The following RNASE10 variants were observed in gnomAD, a reference collection of about 807,000 sequenced individuals.
RNASE10 encodes inactive ribonuclease-like protein 10.
In RNASE10, 2 loss-of-function variants were observed where a neutral mutation model predicts 1.1. That is an observed-to-expected ratio of 1.82 (90% CI 0.74 to 5.73). The LOEUF (loss-of-function observed/expected upper bound fraction) is 5.73. Among genes scored for constraint, RNASE10 ranks in the 30% most tolerant of loss-of-function variants. RNASE10 has a pLI of 0.05. For synonymous variants in RNASE10, 97 were observed against 96.2 expected, an observed-to-expected ratio of 1.01 and a Z score of -0.05; for missense variants, 276 against 263.4, an observed-to-expected ratio of 1.05 and a Z score of -0.33.
At chr14:20,504,548 C>T (rs946120089), upstream of RNASE10, among the ~76,000 whole-genome samples, 8 of 150,946 alleles carry the variant, frequency 5.3e-5, no homozygotes, top group East Asian at 1.9e-4. Context: ...ATTAGCCGGG[C>T]GCGGTGGCGG....
chr14:20,510,124 GAAA>G (rs756992868), intron 1 of RNASE10, among the ~76,000 whole-genome samples: 36 of 109,792 alleles, frequency 3.3e-4, no homozygotes, highest in South Asian at 8.7e-4. Context: ...GTCTCAAAAG[GAAA>G]AAAAAAAAAA....
chr14:20,504,706 A>AAAAAAAAAAAAAC (rs1882647085), upstream of RNASE10, among the ~76,000 whole-genome samples: 1 of 145,496 alleles, frequency 6.9e-6, no homozygotes, highest in Non-Finnish European at 1.5e-5. Context: ...AAAAAAAAAA[A>AAAAAAAAAAAAAC]GGAATCTGTC....
At chr14:20,509,144 G>T (rs1594441236) in intron 1 of RNASE10, among the ~76,000 whole-genome samples, 1 of 152,196 alleles carries the variant, frequency 6.6e-6, no homozygotes, top group South Asian at 2.1e-4. Flanking sequence ...CCTTCTCACG[G>T]GTTCAAGCAA....
exon 2 of RNASE10, chr14:20,510,677 T>A (rs1882875589): frequency 1.9e-6 from 3 of 1,614,092 alleles, no homozygotes; most frequent in African/African-American, 2.7e-5. Context: ...GAAACGCTGG[T>A]GCTTAGCAAC....
intron 1 of RNASE10, among the ~76,000 whole-genome samples, chr14:20,506,654 C>T (rs1434183190): frequency 9.8e-6 from 1 of 102,168 alleles, no homozygotes; most frequent in African/African-American, 4.6e-5. Context: ...CCGCCCAGTC[C>T]AGGAGGGAGG....
At chr14:20,511,390 G>T (rs1457089040), downstream of RNASE10, among the ~76,000 whole-genome samples, 3 of 152,136 alleles carry the variant, frequency 2.0e-5, no homozygotes, top group Non-Finnish European at 4.4e-5. Context: ...CTGTAGTCCT[G>T]GCCATCCATT....
At chr14:20,504,635 C>T (rs906833988), upstream of RNASE10, among the ~76,000 whole-genome samples, 3 of 144,270 alleles carry the variant, frequency 2.1e-5, no homozygotes, top group Non-Finnish European at 4.5e-5. Context: ...TTGCAGTGAG[C>T]CGAGATCGCG....
At chr14:20,504,279 G>A (rs1882631978), upstream of RNASE10, among the ~76,000 whole-genome samples, 1 of 152,302 alleles carries the variant, frequency 6.6e-6, no homozygotes, top group Non-Finnish European at 1.5e-5. Context: ...TCACGAAGAA[G>A]GAAACCCTGG....
chr14:20,507,546 C>T (rs1465490127), intron 1 of RNASE10, among the ~76,000 whole-genome samples: 2 of 140,494 alleles, frequency 1.4e-5, no homozygotes, highest in Non-Finnish European at 3.1e-5. Flanking sequence ...GCTGACCTTC[C>T]CTCCACTATT....
At chr14:20,506,668 G>T (rs1882733496) in intron 1 of RNASE10, among the ~76,000 whole-genome samples, 1 of 118,986 alleles carries the variant, frequency 8.4e-6, no homozygotes, top group Non-Finnish European at 1.7e-5. Flanking sequence ...AGGGAGGTGG[G>T]GGGTCAGCCC....
chr14:20,513,450 A>G (rs943450031), downstream of RNASE10, among the ~76,000 whole-genome samples: 1 of 152,028 alleles, frequency 6.6e-6, no homozygotes, highest in Admixed American at 6.5e-5. Context: ...TCTAATTCCA[A>G]TGTAGCTTCC....
intron 1 of RNASE10, among the ~76,000 whole-genome samples, chr14:20,509,730 A>G (rs1193869856): frequency 6.6e-6 from 1 of 152,214 alleles, no homozygotes; most frequent in African/African-American, 2.4e-5. Flanking sequence ...TATATTGACA[A>G]TAAGGCTTTC....
At position 20,510,846 on chromosome 14, in the gene RNASE10, C is replaced by G. The variant is rs1224409858; in HGVS notation, c.459C>G (p.His153Gln). 16 of 1,614,028 alleles carry G rather than the reference C, an allele frequency of 9.9e-6. No homozygotes were observed. The Admixed American group carries it at 1.5e-4, about 15-fold the overall frequency. ...GAGAATGCAATGATATGATGGCACA[C>G]AAGATGAAGGAGCCCAGTCAGAGTT... The change falls in exon 2 of 2, where the codon CAC becomes CAG. Residue 153 changes from histidine (H) to glutamine (Q), a missense_variant. By Grantham distance (24) the His-to-Gln change is conservative. Transcript: ENST00000430083.
At chr14:20,510,841 G>A (rs1882880693) in exon 2 of RNASE10, 1 of 1,614,094 alleles carries the variant, frequency 6.2e-7, no homozygotes, top group Non-Finnish European at 8.5e-7. Flanking sequence ...TGATATGATG[G>A]CACACAAGAT....
chr14:20,508,512 A>G (rs1009065522), intron 1 of RNASE10, among the ~76,000 whole-genome samples: 5 of 152,190 alleles, frequency 3.3e-5, no homozygotes, highest in Middle Eastern at 3.2e-3. Flanking sequence ...ATGCACCGTC[A>G]CAGTATCTCA....
chr14:20,507,432 C>A (rs1882773316), intron 1 of RNASE10, among the ~76,000 whole-genome samples: 1 of 133,484 alleles, frequency 7.5e-6, no homozygotes, highest in South Asian at 2.5e-4. Context: ...CGTTAAGAGT[C>A]ATCACCACTC....
At chr14:20,506,300 C>G (rs1882713915) in intron 1 of RNASE10, among the ~76,000 whole-genome samples, 2 of 105,418 alleles carry the variant, frequency 1.9e-5, no homozygotes, top group African/African-American at 8.0e-5. Context: ...CCGCCCCGTC[C>G]GGGAGGGAGG....
intron 1 of RNASE10, among the ~76,000 whole-genome samples, chr14:20,507,983 C>G (rs1380985842): frequency 6.6e-6 from 1 of 152,144 alleles, no homozygotes; most frequent in Non-Finnish European, 1.5e-5. Flanking sequence ...CTCCGGGACT[C>G]AAGTGATCCA....
chr14:20,512,075 G>C (rs1293857887), downstream of RNASE10, among the ~76,000 whole-genome samples: 4 of 152,194 alleles, frequency 2.6e-5, no homozygotes, highest in African/African-American at 9.6e-5. Flanking sequence ...AAGAGAAAGA[G>C]AGAGTGAGAA....
Sources: allele counts gnomAD v4.1 joint callset (sites outside exome capture counted in the v4.1 genomes callset), GRCh38; gene constraint gnomAD v4.1.1; transcripts MANE v1.5; gene names NCBI Gene and HGNC (gene_info 2026-07-23, HGNC 2026-07-21).